The following GLIPR1L1 variants were observed in gnomAD, a reference collection of about 807,000 sequenced individuals.
GLIPR1L1 encodes the protein GLIPR1-like protein 1.
Under a neutral mutation model 29.9 loss-of-function variants are expected in GLIPR1L1, and 26 were observed. That is an observed-to-expected ratio of 0.87 (90% CI 0.64 to 1.21). GLIPR1L1 has a LOEUF of 1.21. Among genes scored for constraint, GLIPR1L1 ranks in the 50% most tolerant of loss-of-function variants. GLIPR1L1 has a pLI of 0.00. For synonymous variants in GLIPR1L1, 77 were observed against 97.5 expected, an observed-to-expected ratio of 0.79 and a Z score of 1.24; for missense variants, 305 against 290.3, an observed-to-expected ratio of 1.05 and a Z score of -0.37.
At chr12:75,350,147 C>T (rs1473787548) in intron 3 of GLIPR1L1, among the ~76,000 whole-genome samples, 1 of 152,212 alleles carries the variant, frequency 6.6e-6, no homozygotes, top group Non-Finnish European at 1.5e-5. Context: ...CTTCTTTAAG[C>T]GAGACCCTGA....
At chr12:75,349,279 C>G (rs1425182296) in intron 3 of GLIPR1L1, among the ~76,000 whole-genome samples, 1 of 152,098 alleles carries the variant, frequency 6.6e-6, no homozygotes, top group Non-Finnish European at 1.5e-5. Flanking sequence ...CAAAATGTTC[C>G]CATGTAATTT....
chr12:75,365,482 T>C (rs929510350), intron 4 of GLIPR1L1, among the ~76,000 whole-genome samples: 2 of 152,174 alleles, frequency 1.3e-5, no homozygotes, highest in Admixed American at 6.5e-5. Flanking sequence ...TACCTTCTTT[T>C]GCATATAACT....
chr12:75,359,761 C>A (rs1480254162), intron 3 of GLIPR1L1: 1 of 151,980 alleles, frequency 6.6e-6, no homozygotes, highest in Non-Finnish European at 1.5e-5. Flanking sequence ...ATAAATCATA[C>A]TGGAACAATT....
chr12:75,336,364 C>A (rs886662049), intron 1 of GLIPR1L1, among the ~76,000 whole-genome samples: 2 of 151,612 alleles, frequency 1.3e-5, no homozygotes, highest in Non-Finnish European at 3.0e-5. Context: ...ACATTAAATG[C>A]AAATGACTAC....
chr12:75,351,605 G>C (rs2042820109), intron 3 of GLIPR1L1, among the ~76,000 whole-genome samples: 1 of 150,500 alleles, frequency 6.6e-6, no homozygotes, highest in Non-Finnish European at 1.5e-5. Context: ...GGAGTGTACT[G>C]GTGTGATCTT....
chr12:75,354,782 A>G (rs1453436538), intron 3 of GLIPR1L1, among the ~76,000 whole-genome samples: 1 of 152,216 alleles, frequency 6.6e-6, no homozygotes, highest in Non-Finnish European at 1.5e-5. Context: ...AAAAACAGAC[A>G]CACAGACCAA....
rs146169501 is a variant in GLIPR1L1 at position 75,368,939 on chromosome 12, CTT to C, written c.611-1020_611-1019del. 8.2e-3 allele frequency among the ~76,000 whole-genome samples: 1,244 copies of C among 151,936 alleles called. 20 individuals carry two copies. The highest frequency in any genetic ancestry group is 0.029 in the African/African-American group (1,193 of 41,520). On this transcript the variant is annotated intron_variant, in intron 4 of 5. Coordinates refer to ENST00000378695, the MANE Select transcript of GLIPR1L1 (RefSeq NM_001304964.2). The stretch of plus-strand genomic sequence containing the variant: ...TTTATCCACATTTCAATGAAATTCT[CTT>C]ATATTTTTGCATGTACTTCATGTGT...
At chr12:75,359,537 C>G (rs373932591) in intron 3 of GLIPR1L1, among the ~76,000 whole-genome samples, 1 of 151,414 alleles carries the variant, frequency 6.6e-6, no homozygotes, top group Non-Finnish European at 1.5e-5. Context: ...ATTTAAAGGA[C>G]TAATACTATT....
intron 1 of GLIPR1L1, among the ~76,000 whole-genome samples, chr12:75,337,215 T>C (rs2041796355): frequency 6.6e-6 from 1 of 151,734 alleles, no homozygotes; most frequent in South Asian, 2.1e-4. Flanking sequence ...AAGTTTAAAT[T>C]AAGCACAAGA....
At position 75,347,704 on chromosome 12, in the gene GLIPR1L1, T is replaced by A; in HGVS notation, c.503T>A (p.Val168Glu). 1 of 1,600,660 alleles carries A rather than the reference T, an allele frequency of 6.2e-7. No homozygotes were observed. Residue 168 changes from valine to glutamate, a missense_variant, in exon 3 of 6, where the codon GTA becomes GAA. Transcript: ENST00000378695. ...GGGGGAGCTTCAACTGCAATATTTG[T>A]ATGCAACTACGGACCTGCGTGAGTT... Reference protein sequence around the residue: ...NLGGASTAIFVCNYGPAGNFA... With the variant: ...NLGGASTAIFECNYGPAGNFA...
intron 1 of GLIPR1L1, among the ~76,000 whole-genome samples, chr12:75,343,089 T>A (rs184444316): frequency 3.8e-4 from 58 of 152,104 alleles, no homozygotes; most frequent in African/African-American, 1.3e-3. Flanking sequence ...TAGATCCCAA[T>A]CCTTATACAT....
chr12:75,368,039 A>G (rs1276603041), intron 4 of GLIPR1L1, among the ~76,000 whole-genome samples: 2 of 151,494 alleles, frequency 1.3e-5, no homozygotes, highest in African/African-American at 2.4e-5. Flanking sequence ...ATCTCTTGAA[A>G]TAATGCTATT....
intron 3 of GLIPR1L1, among the ~76,000 whole-genome samples, chr12:75,353,854 T>G (rs1041495227): frequency 6.6e-6 from 1 of 152,194 alleles, no homozygotes; most frequent in Admixed American, 6.5e-5. Context: ...AATCAATGAA[T>G]GTAATTCATT....
chr12:75,347,583 G>A, intron 2 of GLIPR1L1, 39 bp from the exon 3 acceptor site: 2 of 1,332,462 alleles, frequency 1.5e-6, no homozygotes, highest in Non-Finnish European at 1.1e-6. Context: ...GCATAGAATT[G>A]TTTTCCATAT....
intron 5 of GLIPR1L1, 26 bp from the exon 6 acceptor site, chr12:75,370,059 T>C (rs1450395743): frequency 1.4e-6 from 2 of 1,442,622 alleles, no homozygotes; most frequent in Admixed American, 3.4e-5. Flanking sequence ...TCTTAACTAT[T>C]CTGGTTTTGT....
chr12:75,343,536 A>C (rs1446068158), intron 1 of GLIPR1L1, among the ~76,000 whole-genome samples, 157 bp from the exon 2 acceptor site: 1 of 152,126 alleles, frequency 6.6e-6, no homozygotes, highest in African/African-American at 2.4e-5. Context: ...AGTAGAACTA[A>C]AAAGAAATCA....
At chr12:75,335,012 A>C in intron 1 of GLIPR1L1, 110 bp downstream of exon 1, 1 of 1,073,020 alleles carries the variant, frequency 9.3e-7, no homozygotes, top group Non-Finnish European at 1.3e-6. Flanking sequence ...CTTTACATAT[A>C]TGCAGTTAAA....
intron 4 of GLIPR1L1, among the ~76,000 whole-genome samples, chr12:75,365,955 T>C (rs539262888): frequency 1.3e-4 from 20 of 152,282 alleles, no homozygotes; most frequent in African/African-American, 4.3e-4. Flanking sequence ...ATAACCCTTA[T>C]GCAAAATTTT....
chr12:75,359,205 T>C (rs1163088269), intron 3 of GLIPR1L1, among the ~76,000 whole-genome samples: 2 of 150,742 alleles, frequency 1.3e-5, no homozygotes, highest in Non-Finnish European at 3.0e-5. Flanking sequence ...TATAATAGCA[T>C]CAAAAAATAT....
Sources: allele counts gnomAD v4.1 joint callset (sites outside exome capture counted in the v4.1 genomes callset), GRCh38; gene constraint gnomAD v4.1.1; transcripts MANE v1.5; gene names NCBI Gene and HGNC (gene_info 2026-07-23, HGNC 2026-07-21).